FADS1: variants seen among roughly 807,000 people sequenced by gnomAD.
The protein encoded by FADS1 is acyl-CoA (8-3)-desaturase.
In FADS1, 17 loss-of-function variants were observed where a neutral mutation model predicts 61.6. The observed-to-expected ratio is 0.28, with a 90% CI of 0.19 to 0.41. The LOEUF (loss-of-function observed/expected upper bound fraction) is 0.41. Among genes scored for constraint, FADS1 ranks in the 10% least tolerant of loss-of-function variants. The pLI is 1.00. For missense variants in FADS1, 387 were observed against 650.9 expected (o/e 0.59, Z 4.41); for synonymous variants, 238 against 258.7 (o/e 0.92, Z 0.77).
At chr11:61,812,851 T>G (rs2066941380) in intron 2 of FADS1, among the ~76,000 whole-genome samples, 183 bp from the exon 3 acceptor site, 2 of 152,024 alleles carry the variant, frequency 1.3e-5, no homozygotes, top group African/African-American at 4.8e-5. Context: ...TGCCTAAGAG[T>G]TCAGGGGACT....
chr11:61,802,896 G>A lies in FADS1; in HGVS notation c.1359C>T (p.Tyr453=), dbSNP rs756750974. The change falls in exon 11 of 12, where the codon TAC becomes TAT. Residue 453 remains tyrosine, a synonymous_variant. Transcript: ENST00000350997. This position sits in a 1 kb window ranked among gnomAD's most constrained non-coding sequence, Gnocchi z 4.2. The part of the protein sequence containing the change: ...HLFPTMPRHN[Y]HKVAPLVQSL... The stretch of plus-strand genomic sequence containing the variant: ...ACTGCACCAGGGGAGCCACTTTGTG[G>A]TAATTGTGTCGAGGCATCGTGGGAA... The A allele has an allele frequency of 5.0e-6, 8 of 1,613,970 alleles. No individual in the cohort carries two copies. Among genetic ancestry groups the A allele is most frequent in the South Asian group, 2.2e-5 (2 of 91,090 alleles).
At position 61,816,841 on chromosome 11, in the gene FADS1, T is replaced by C. The variant is rs569129600; in HGVS notation, c.89A>G (p.Gln30Arg). 10 of 1,488,590 alleles carry C rather than the reference T, an allele frequency of 6.7e-6. No individual in the cohort carries two copies. The South Asian group carries it at 1.1e-4, about 17-fold the overall frequency. 92.2% of individuals were successfully genotyped at this position (1,488,590 alleles called of 1,614,324 possible). ...RRRLALGARQ[Q>R]IHSWSPRTPS... ...GGTCCGCGGGCTCCAGGAGTGGATT[T>C]GCTGGCGCGCGCCCAGAGCCAGCCG... is the stretch of plus-strand genomic sequence containing the variant. Residue 30 changes from glutamine (Q) to arginine (R), a missense_variant, in exon 1 of 12, where the codon CAA (glutamine) becomes CGA (arginine). Gln to Arg is a conservative substitution (Grantham distance 43, BLOSUM62 1). This residue lies in a region of FADS1 where 130 missense variants were observed against 117.7 expected (regional missense o/e 1.10). Transcript: ENST00000350997. This position sits in a 1 kb window ranked among gnomAD's most constrained non-coding sequence, Gnocchi z 7.0.
intron 6 of FADS1, chr11:61,805,767 ACT>A (rs2066888913): frequency 6.6e-6 from 1 of 152,112 alleles, no homozygotes; most frequent in South Asian, 2.1e-4. Context: ...ACAAGATCTC[ACT>A]CTGTTGCCCA....
chr11:61,802,027 C>G lies in FADS1; in HGVS notation c.*384G>C, dbSNP rs1170709560. The stretch of plus-strand genomic sequence containing the variant: ...TCCTGGGTAGCTGGGATTACAGGCG[C>G]GTGCCACCACGCCCGGCATGAGTGG... On this transcript the variant is annotated 3_prime_UTR_variant, in exon 12 of 12. Transcript: ENST00000350997. This position sits in a 1 kb window ranked among gnomAD's most constrained non-coding sequence, Gnocchi z 4.2. 8.8e-6 allele frequency: 2 copies of G among 227,738 alleles called. No individual in the cohort carries two copies. The highest frequency in any genetic ancestry group is 1.8e-5 in the Non-Finnish European group (2 of 113,276). 14.1% of individuals were successfully genotyped at this position (227,738 alleles called of 1,614,324 possible). A position where few individuals can be genotyped will look rare whatever the true frequency, so the allele number is the denominator to read the frequency against.
Position 61,803,310 on chromosome 11 carries a change from AT to A in FADS1, c.1248+52del. 1 of 1,477,930 alleles carries A rather than the reference AT, an allele frequency of 6.8e-7. No individual in the cohort carries two copies. 91.6% of individuals were successfully genotyped at this position (1,477,930 alleles called of 1,614,324 possible). A position where few individuals can be genotyped will look rare whatever the true frequency, so the allele number is the denominator to read the frequency against. ...TTGTTTTTGCTGTTTTCACCTACGC[AT>A]CCTTTTCAATAGTTGTGTTATGCTC... On this transcript the variant is annotated intron_variant, in intron 9 of 11. Coordinates refer to ENST00000350997, the MANE Select transcript of FADS1 (RefSeq NM_013402.7). The surrounding 1 kb of genome is among the most constrained non-coding windows in gnomAD (Gnocchi z 4.3).
chr11:61,812,388 T>A lies in FADS1; in HGVS notation c.684+83A>T, dbSNP rs1341453059. On this transcript the variant is annotated intron_variant, in intron 3 of 11. Transcript: ENST00000350997. ...TCTGCCCTGCTTGGAGGGCAGGCAC[T>A]CTTGGCCTTCCTCAAACACCCAAGG... 1.7e-5 allele frequency: 22 copies of A among 1,319,020 alleles called. No individual in the cohort carries two copies. In the Admixed American group the frequency reaches 3.6e-4, roughly 22 times the overall value. 81.7% of individuals were successfully genotyped at this position (1,319,020 alleles called of 1,614,324 possible).
At position 61,802,484 on chromosome 11, in the gene FADS1, A is replaced by G; in HGVS notation, c.1455-22T>C. ...TGAGCTGCAGGGACAAAATGGGGGC[A>G]GACAGTGAGGGAGACAAGCAGAGTT... On this transcript the variant is annotated intron_variant, in intron 11 of 11. Coordinates refer to ENST00000350997, the MANE Select transcript of FADS1 (RefSeq NM_013402.7). This position sits in a 1 kb window ranked among gnomAD's most constrained non-coding sequence, Gnocchi z 4.2. 6.4e-7 allele frequency: 1 copy of G among 1,557,618 alleles called. No individual in the cohort carries two copies. The highest frequency in any genetic ancestry group is 1.2e-5 in the South Asian group (1 of 84,450).
chr11:61,807,428 T>C (rs546619443), intron 5 of FADS1, among the ~76,000 whole-genome samples: 1 of 152,294 alleles, frequency 6.6e-6, no homozygotes, highest in African/African-American at 2.4e-5. Context: ...CTATACAGGT[T>C]AAGTATTCCC....
chr11:61,814,891 G>A (rs1022252156), intron 1 of FADS1: 2 of 152,436 alleles, frequency 1.3e-5, no homozygotes, highest in Non-Finnish European at 2.9e-5. Context: ...CCCTTCTTGC[G>A]GGTCTTTCAA....
intron 6 of FADS1, chr11:61,805,979 C>CCTTT: frequency 6.6e-6 from 1 of 152,572 alleles, no homozygotes; most frequent in South Asian, 2.1e-4. Context: ...ACTATCTGTA[C>CCTTT]CTTTGTTCCT....
chr11:61,803,768 C>T lies in FADS1; in HGVS notation c.1054-1G>A. 1 of 1,611,344 alleles carries T rather than the reference C, an allele frequency of 6.2e-7. No homozygotes were observed. ...AGAAGGTAATCATCCAGGCCAAGTC[C>T]TATAGTGAGAAAAGCAGCGAGCATA... On this transcript the variant is annotated splice_acceptor_variant, in intron 7 of 11. Coordinates refer to ENST00000350997, the MANE Select transcript of FADS1 (RefSeq NM_013402.7). LOFTEE classifies it high-confidence loss of function. This position sits in a 1 kb window ranked among gnomAD's most constrained non-coding sequence, Gnocchi z 4.3.
chr11:61,801,186 C>T lies in FADS1; in HGVS notation c.*1225G>A, dbSNP rs2066853413. ...TTATAGAAAGTTTCTACTTATAGCC[C>T]TTACATTCTTTATGACCGAAATCTG... On this transcript the variant is annotated 3_prime_UTR_variant, in exon 12 of 12. Coordinates refer to ENST00000350997, the MANE Select transcript of FADS1 (RefSeq NM_013402.7). The T allele has an allele frequency of 6.6e-6, 1 of 152,328 alleles. No homozygotes were observed. The highest frequency in any genetic ancestry group is 6.5e-5 in the Admixed American group (1 of 15,278). The allele number at this position is 152,328 out of a possible 1,614,324, so 9.4% of individuals were successfully genotyped here.
rs1026911016 is a variant in FADS1, at chr11:61,816,949, G to A, written c.-20C>T. On this transcript the variant is annotated 5_prime_UTR_variant, in exon 1 of 12. Transcript: ENST00000350997. This position sits in a 1 kb window ranked among gnomAD's most constrained non-coding sequence, Gnocchi z 7.0. ...TCCCATTGGCCGAGCCTCGTGGCGC[G>A]GGGAGCGAGATCCCGTCCCCCGGTG... 1.4e-5 allele frequency: 19 copies of A among 1,375,194 alleles called. No individual in the cohort carries two copies. The highest frequency in any genetic ancestry group is 1.8e-5 in the Non-Finnish European group (19 of 1,073,078). 85.2% of individuals were successfully genotyped at this position (1,375,194 alleles called of 1,614,324 possible).
At chr11:61,806,391 GC>G (rs2066895080) in intron 6 of FADS1, 1 of 478,356 alleles carries the variant, frequency 2.1e-6, no homozygotes, top group Admixed American at 3.3e-5. Flanking sequence ...AAAGCAAGAG[GC>G]CCCTCTACAC....
In FADS1 at chr11:61,800,044, G is replaced by T. The variant is rs990813800; in HGVS notation, c.*2367C>A. On this transcript the variant is annotated 3_prime_UTR_variant, in exon 12 of 12. Transcript: ENST00000350997. ...ATAGAGCCTCACTGGTGTTTGCTCA[G>T]ATTGGGCAGCCTATGCCCAAAGCTA... is the stretch of plus-strand genomic sequence containing the variant. 2.0e-5 allele frequency: 3 copies of T among 152,816 alleles called. No homozygotes were observed. The highest frequency in any genetic ancestry group is 7.2e-5 in the African/African-American group (3 of 41,458). The allele number at this position is 152,816 out of a possible 1,614,324, so 9.5% of individuals were successfully genotyped here.
Position 61,816,029 on chromosome 11 carries a change from C to T in FADS1, c.375+526G>A, listed in dbSNP as rs767818979. 5.0e-5 allele frequency: 28 copies of T among 560,406 alleles called. No homozygotes were observed. The highest frequency in any genetic ancestry group is 8.6e-5 in the Non-Finnish European group (27 of 314,182). 34.7% of individuals were successfully genotyped at this position (560,406 alleles called of 1,614,324 possible). A position where few individuals can be genotyped will look rare whatever the true frequency, so the allele number is the denominator to read the frequency against. On this transcript the variant is annotated intron_variant, in intron 1 of 11. Transcript: ENST00000350997. The surrounding 1 kb of genome is among the most constrained non-coding windows in gnomAD (Gnocchi z 7.0). The stretch of plus-strand genomic sequence containing the variant: ...AAGGCAGCGGTCTCCCCAAGCTTCC[C>T]GTTTCAGCCCCATCCTCGAGAATGG...
At chr11:61,811,135 C>T in intron 3 of FADS1, 60 bp from the exon 4 acceptor site, 1 of 1,220,546 alleles carries the variant, frequency 8.2e-7, no homozygotes, top group East Asian at 2.3e-5. Context: ...CCTTCACTGA[C>T]CTCGATGCCT....
chr11:61,803,300 T>G lies in FADS1; in HGVS notation c.1248+63A>C. 4.2e-6 allele frequency: 6 copies of G among 1,442,248 alleles called. No individual in the cohort carries two copies. Among genetic ancestry groups the G allele is most frequent in the Non-Finnish European group, 5.9e-6 (6 of 1,023,536 alleles). 89.3% of individuals were successfully genotyped at this position (1,442,248 alleles called of 1,614,324 possible). A position where few individuals can be genotyped will look rare whatever the true frequency, so the allele number is the denominator to read the frequency against. ...GGGGGACTTTTTGTTTTTGCTGTTTTCACCTACGCATCCTTTTCAATAGTT... is the reference window on the plus strand; with the variant it reads ...GGGGGACTTTTTGTTTTTGCTGTTTGCACCTACGCATCCTTTTCAATAGTT... On this transcript the variant is annotated intron_variant, in intron 9 of 11. Coordinates refer to ENST00000350997, the MANE Select transcript of FADS1 (RefSeq NM_013402.7). The surrounding 1 kb of genome is among the most constrained non-coding windows in gnomAD (Gnocchi z 4.3).
intron 7 of FADS1, chr11:61,804,277 G>C: frequency 4.9e-6 from 1 of 205,794 alleles, no homozygotes; most frequent in Non-Finnish European, 9.7e-6. Flanking sequence ...CTAGAAAAGT[G>C]ACTTCACAAA....
Sources: allele counts gnomAD v4.1 joint callset (sites outside exome capture counted in the v4.1 genomes callset), GRCh38; gene constraint gnomAD v4.1.1; regional missense constraint gnomAD v4.1.1; non-coding constraint Gnocchi (gnomAD v3.1); transcripts MANE v1.5; gene names NCBI Gene and HGNC (gene_info 2026-07-23, HGNC 2026-07-21).